Variants in SPIN1 observed in about 807,000 individuals in gnomAD.
SPIN1 encodes spindlin 1, also known as spindlin-1.
In SPIN1, 3 loss-of-function variants were observed where a neutral mutation model predicts 26.0. That is an observed-to-expected ratio of 0.12 (90% CI 0.05 to 0.30). The LOEUF (loss-of-function observed/expected upper bound fraction) is 0.30. Among genes scored for constraint, SPIN1 ranks in the 10% least tolerant of loss-of-function variants. SPIN1 has a pLI of 1.00. For missense variants in SPIN1, 126 were observed against 333.4 expected (o/e 0.38, Z 4.84); for synonymous variants, 101 against 116.5 (o/e 0.87, Z 0.86).
At chr9:88,390,735 C>T (rs1826901853) in intron 1 of SPIN1, among the ~76,000 whole-genome samples, 4 of 152,176 alleles carry the variant, frequency 2.6e-5, no homozygotes. Context: ...AAACAATATT[C>T]TGGAGTTAGA....
At chr9:88,409,983 G>A (rs1465363839) in intron 1 of SPIN1, among the ~76,000 whole-genome samples, 1 of 152,004 alleles carries the variant, frequency 6.6e-6, no homozygotes, top group Non-Finnish European at 1.5e-5. Flanking sequence ...GGTATTTTCC[G>A]AATTTTAGTT....
chr9:88,462,700 T>G lies in SPIN1; in HGVS notation c.306T>G (p.Leu102=). 1 of 1,614,006 alleles carries G rather than the reference T, an allele frequency of 6.2e-7. No homozygotes were observed. Among genetic ancestry groups the G allele is most frequent in the Non-Finnish European group, 8.5e-7 (1 of 1,179,960 alleles). The change falls in exon 4 of 6, where the codon CTT becomes CTG. Residue 102 remains leucine (L), a synonymous_variant. Transcript: ENST00000375859. ...TTGACTGTGTTTATGGACTAGAACT[T>G]AATAAAGATGAAAGAGTTTCTGCGC... is the stretch of plus-strand genomic sequence containing the variant. ...DGFDCVYGLE[L]NKDERVSALE...
At chr9:88,436,233 C>CT (rs1373076847) in intron 2 of SPIN1, among the ~76,000 whole-genome samples, 3 of 152,312 alleles carry the variant, frequency 2.0e-5, no homozygotes. Flanking sequence ...CAGCGCCTGA[C>CT]TTTCTAGCTC....
chr9:88,438,999 A>T (rs1160668608), intron 2 of SPIN1, among the ~76,000 whole-genome samples: 1 of 152,160 alleles, frequency 6.6e-6, no homozygotes, highest in Non-Finnish European at 1.5e-5. Context: ...ACCATCCAGT[A>T]GAATGCTTGC....
At chr9:88,443,228 A>G (rs1828177276) in intron 2 of SPIN1, among the ~76,000 whole-genome samples, 1 of 150,508 alleles carries the variant, frequency 6.6e-6, no homozygotes, top group Non-Finnish European at 1.5e-5. Flanking sequence ...TGCCTTTTGT[A>G]CTTGTCCCAT....
At chr9:88,452,762 C>T (rs1186065004) in intron 3 of SPIN1, among the ~76,000 whole-genome samples, 1 of 152,098 alleles carries the variant, frequency 6.6e-6, no homozygotes, top group Non-Finnish European at 1.5e-5. Context: ...TAACAGTTAC[C>T]TGCAAAGCAG....
intron 2 of SPIN1, among the ~76,000 whole-genome samples, chr9:88,439,736 C>CAAAATCTTTAT (rs1828080043): frequency 6.6e-6 from 1 of 152,166 alleles, no homozygotes; most frequent in African/African-American, 2.4e-5. Flanking sequence ...GTAATGCCCC[C>CAAAATCTTTAT]CTTTATCTTT....
At chr9:88,416,095 GT>G (rs1344888967) in intron 1 of SPIN1, among the ~76,000 whole-genome samples, 1 of 151,968 alleles carries the variant, frequency 6.6e-6, no homozygotes, top group Middle Eastern at 3.2e-3. Flanking sequence ...ACCTAGGAAG[GT>G]TTTGAGTTGT....
intron 3 of SPIN1, among the ~76,000 whole-genome samples, chr9:88,459,893 T>G (rs1465815153): frequency 6.6e-6 from 1 of 152,236 alleles, no homozygotes; most frequent in African/African-American, 2.4e-5. Context: ...GCTCACATTT[T>G]CTTTTCCTTG....
intron 1 of SPIN1, among the ~76,000 whole-genome samples, chr9:88,408,239 A>G (rs1294255345): frequency 1.3e-5 from 2 of 151,394 alleles, no homozygotes; most frequent in East Asian, 3.9e-4. Flanking sequence ...GTTGACAGGC[A>G]ATTTCTGCTA....
intron 1 of SPIN1, among the ~76,000 whole-genome samples, chr9:88,414,433 T>C (rs1396206615): frequency 6.6e-6 from 1 of 152,184 alleles, no homozygotes; most frequent in South Asian, 2.1e-4. Context: ...TTCAGGGATT[T>C]AAAGGGCACC....
At chr9:88,391,130 T>C (rs1385158633) in intron 1 of SPIN1, among the ~76,000 whole-genome samples, 1 of 152,180 alleles carries the variant, frequency 6.6e-6, no homozygotes, top group Admixed American at 6.5e-5. Context: ...ACTGGCTCTT[T>C]GGGTCACATC....
intron 2 of SPIN1, among the ~76,000 whole-genome samples, chr9:88,440,873 G>C (rs1466350670): frequency 2.0e-5 from 3 of 151,578 alleles, no homozygotes; most frequent in African/African-American, 7.3e-5. Flanking sequence ...CACCGCGCCT[G>C]GCCTCTTTCT....
intron 3 of SPIN1, among the ~76,000 whole-genome samples, chr9:88,461,463 T>C (rs1828575526): frequency 2.0e-5 from 3 of 152,196 alleles, no homozygotes; most frequent in Non-Finnish European, 4.4e-5. Context: ...CTTAGCTAAA[T>C]ATATGTTACC....
chr9:88,414,602 G>C (rs955998151), intron 1 of SPIN1, among the ~76,000 whole-genome samples: 1 of 152,206 alleles, frequency 6.6e-6, no homozygotes, highest in African/African-American at 2.4e-5. Flanking sequence ...CTCTATCCTG[G>C]TGGCAAATCT....
At chr9:88,436,833 C>T (rs1317853141) in intron 2 of SPIN1, among the ~76,000 whole-genome samples, 10 of 135,170 alleles carry the variant, frequency 7.4e-5, no homozygotes, top group South Asian at 2.5e-4. Flanking sequence ...GGCGGGATCT[C>T]GGCTCACTGC....
rs1291389196 is a variant in SPIN1 at position 88,437,354 on chromosome 9, G to A, written c.52+10763G>A. Among the ~76,000 whole-genome samples the A allele has an allele frequency of 7.9e-5, 12 of 151,872 alleles. 1 individual carries two copies. In the East Asian group the frequency reaches 2.3e-3, roughly 30 times the overall value. On this transcript the variant is annotated intron_variant, in intron 2 of 5. Transcript: ENST00000375859. ...CTCTACAAAAAATACAAAAAGTAGT[G>A]GAGCGTGGTGGCTCACACCTGTGGT...
At chr9:88,441,113 A>G (rs1406376944) in intron 2 of SPIN1, among the ~76,000 whole-genome samples, 2 of 151,884 alleles carry the variant, frequency 1.3e-5, no homozygotes, top group Admixed American at 6.6e-5. Context: ...TGCCTATACT[A>G]TAAACATGTA....
intron 1 of SPIN1, among the ~76,000 whole-genome samples, chr9:88,390,706 A>T (rs372110005): frequency 6.6e-6 from 1 of 152,184 alleles, no homozygotes; most frequent in African/African-American, 2.4e-5. Flanking sequence ...TCAGTTTAGA[A>T]GATGTTATGG....
Sources: allele counts gnomAD v4.1 joint callset (sites outside exome capture counted in the v4.1 genomes callset), GRCh38; gene constraint gnomAD v4.1.1; transcripts MANE v1.5; gene names NCBI Gene and HGNC (gene_info 2026-07-23, HGNC 2026-07-21).